TRAK2: variants seen among roughly 807,000 people sequenced by gnomAD.
TRAK2 encodes the protein trafficking kinesin protein 2, also known as trafficking kinesin-binding protein 2.
Under a neutral mutation model 104.6 loss-of-function variants are expected in TRAK2, and 81 were observed. The ratio of observed to expected loss-of-function variants is 0.77; its 90% CI spans 0.65 to 0.93. The LOEUF (loss-of-function observed/expected upper bound fraction) is 0.93, where lower values mean the gene tolerates loss of function less well. Among genes scored for constraint, TRAK2 ranks in the 40% least tolerant of loss-of-function variants. TRAK2 has a pLI of 0.00. For synonymous variants in TRAK2, 406 were observed against 394.4 expected (o/e 1.03, Z -0.35); for missense variants, 1,002 against 1,089.0 (o/e 0.92, Z 1.12).
At chr2:201,410,511 T>C (rs560921699) in intron 2 of TRAK2, 6 of 925,296 alleles carry the variant, frequency 6.5e-6, no homozygotes, top group South Asian at 6.2e-5. Context: ...TCACCCATGA[T>C]TGGAACTGAA....
At chr2:201,393,089 C>A in intron 9 of TRAK2, 43 bp from the exon 10 acceptor site, 1 of 1,552,138 alleles carries the variant, frequency 6.4e-7, no homozygotes, top group Non-Finnish European at 8.7e-7. Flanking sequence ...CTTCCCAAAA[C>A]AACATTAGGG....
At chr2:201,411,904 T>C in intron 2 of TRAK2, 1 of 1,039,426 alleles carries the variant, frequency 9.6e-7, no homozygotes. Flanking sequence ...TTGCAAAGGT[T>C]GGAATGATGT....
At chr2:201,421,653 C>G (rs1252274145) in intron 1 of TRAK2, among the ~76,000 whole-genome samples, 18 of 150,732 alleles carry the variant, frequency 1.2e-4, no homozygotes, top group Admixed American at 1.1e-3. Flanking sequence ...AAAATATAAA[C>G]AAAAAAAAAG....
intron 2 of TRAK2, chr2:201,411,728 T>G (rs951455295): frequency 3.3e-5 from 26 of 780,632 alleles, no homozygotes; most frequent in Admixed American, 5.1e-5. Context: ...GAATTTGTTG[T>G]AAGAAGGGTA....
Position 201,381,011 on chromosome 2 carries a change from A to C in TRAK2, c.2277T>G (p.Ile759Met). ...GGAGAGGCTGGAGGGGGTTCTCTGA[A>C]ATTGGGCTGTGGTACACTTTGGCAG... ...GISAKVYHSP[I>M]SENPLQPLPK... is the part of the protein sequence containing the mutation. The change falls in exon 16 of 16, where the codon ATT becomes ATG. Residue 759 changes from isoleucine (I) to methionine (M), a missense_variant. Physicochemically the swap from Ile to Met is conservative, Grantham distance 10. Coordinates refer to ENST00000332624, the MANE Select transcript of TRAK2 (RefSeq NM_015049.3). 6.2e-6 allele frequency: 10 copies of C among 1,614,084 alleles called. No individual in the cohort carries two copies. The highest frequency in any genetic ancestry group is 8.5e-6 in the Non-Finnish European group (10 of 1,179,994).
Position 201,377,458 on chromosome 2 carries a change from G to A in TRAK2, c.*3085C>T, listed in dbSNP as rs921971831. ...GCATGCATCTGACATCAGAGAAGTG[G>A]CCCACTAAACACTAAGAGCCCTAGT... On this transcript the variant is annotated 3_prime_UTR_variant, in exon 16 of 16. Transcript: ENST00000332624. The A allele has an allele frequency of 4.6e-5, 7 of 152,116 alleles. No homozygotes were observed. The highest frequency in any genetic ancestry group is 3.9e-4 in the Admixed American group (6 of 15,270). The allele number at this position is 152,116 out of a possible 1,614,324, so 9.4% of individuals were successfully genotyped here. A position where few individuals can be genotyped will look rare whatever the true frequency, so the allele number is the denominator to read the frequency against.
At chr2:201,446,128 C>G (rs1951962505) in intron 1 of TRAK2, among the ~76,000 whole-genome samples, 1 of 152,154 alleles carries the variant, frequency 6.6e-6, no homozygotes, top group South Asian at 2.1e-4. Flanking sequence ...CTTACAACTT[C>G]TCTTGCCCCT....
At chr2:201,449,480 C>CT (rs3083385) in intron 1 of TRAK2, among the ~76,000 whole-genome samples, 28 of 98,022 alleles carry the variant, frequency 2.9e-4, no homozygotes, top group African/African-American at 6.4e-4. Context: ...AATGTTGGTT[C>CT]TTTTTTTTTT....
chr2:201,413,189 A>G, intron 2 of TRAK2: 1 of 1,516,694 alleles, frequency 6.6e-7, no homozygotes, highest in South Asian at 1.1e-5. Context: ...CACTGCCACC[A>G]CTGGCAATGT....
chr2:201,428,665 A>C (rs936676786), intron 1 of TRAK2, among the ~76,000 whole-genome samples: 28 of 152,240 alleles, frequency 1.8e-4, no homozygotes, highest in South Asian at 1.2e-3. Context: ...CTTTTTGGTT[A>C]CATATGAACT....
intron 1 of TRAK2, among the ~76,000 whole-genome samples, chr2:201,442,340 G>A (rs1450961990): frequency 6.6e-6 from 1 of 150,714 alleles, no homozygotes; most frequent in Non-Finnish European, 1.5e-5. Context: ...GCAGTGAGCC[G>A]AGTTCGCACC....
At chr2:201,419,773 A>G (rs981154215) in intron 2 of TRAK2, among the ~76,000 whole-genome samples, 1 of 152,210 alleles carries the variant, frequency 6.6e-6, no homozygotes, top group African/African-American at 2.4e-5. Flanking sequence ...CAGAATTCAG[A>G]ATTTTTCAGA....
chr2:201,417,433 G>A (rs1576525129), intron 2 of TRAK2, among the ~76,000 whole-genome samples: 1 of 152,068 alleles, frequency 6.6e-6, no homozygotes, highest in East Asian at 1.9e-4. Flanking sequence ...AGGAATGCAA[G>A]TCTGGTTTAA....
chr2:201,404,814 T>C (rs1951579611), intron 3 of TRAK2, among the ~76,000 whole-genome samples: 1 of 152,212 alleles, frequency 6.6e-6, no homozygotes, highest in East Asian at 1.9e-4. Flanking sequence ...AGTGCCCACA[T>C]GGCATAGTAA....
intron 12 of TRAK2, 135 bp from the exon 13 acceptor site, chr2:201,388,136 A>G: frequency 1.1e-6 from 1 of 918,528 alleles, no homozygotes; most frequent in Non-Finnish European, 1.7e-6. Context: ...TGGAATATAG[A>G]AGTAATAACA....
intron 13 of TRAK2, 31 bp from the exon 14 acceptor site, chr2:201,386,515 G>C: frequency 6.2e-7 from 1 of 1,606,756 alleles, no homozygotes; most frequent in Non-Finnish European, 8.5e-7. Flanking sequence ...AAGGGGAAAG[G>C]CATGTTTTAC....
At chr2:201,419,757 G>A (rs1181514552) in intron 2 of TRAK2, among the ~76,000 whole-genome samples, 1 of 152,116 alleles carries the variant, frequency 6.6e-6, no homozygotes, top group East Asian at 1.9e-4. Flanking sequence ...GGGTTTTGAT[G>A]GGTTTCAGAA....
At chr2:201,434,820 T>C (rs1951869729) in intron 1 of TRAK2, among the ~76,000 whole-genome samples, 1 of 152,226 alleles carries the variant, frequency 6.6e-6, no homozygotes, top group African/African-American at 2.4e-5. Flanking sequence ...TATTTATACA[T>C]CCCTAGTTTT....
chr2:201,418,320 C>T (rs1223328340), intron 2 of TRAK2, among the ~76,000 whole-genome samples: 1 of 152,208 alleles, frequency 6.6e-6, no homozygotes, highest in African/African-American at 2.4e-5. Context: ...GCTGGGACTA[C>T]AGGTGCATGC....
Sources: gnomAD v4.1 joint callset for allele counts (sites outside exome capture counted in the v4.1 genomes callset) on GRCh38, gnomAD v4.1.1 for gene constraint, MANE v1.5 for transcripts, NCBI Gene and HGNC (gene_info 2026-07-23, HGNC 2026-07-21) for gene names.